HACE1: variants seen among roughly 807,000 people sequenced by gnomAD.
The protein encoded by HACE1 is HECT domain and ankyrin repeat containing E3 ubiquitin protein ligase 1, also known as E3 ubiquitin-protein ligase HACE1.
In HACE1, 73 loss-of-function variants were observed where a neutral mutation model predicts 118.4. The observed-to-expected ratio is 0.62, with a 90% CI of 0.51 to 0.75. The LOEUF is 0.75. Among genes scored for constraint, HACE1 ranks in the 30% least tolerant of loss-of-function variants. The probability of loss-of-function intolerance (pLI) is 0.00; values close to 1 mark genes in which losing one functional copy is unlikely to be tolerated. For missense variants in HACE1, 749 were observed against 1,102.2 expected, an observed-to-expected ratio of 0.68 and a Z score of 4.54; for synonymous variants, 368 against 374.8, an observed-to-expected ratio of 0.98 and a Z score of 0.21.
At chr6:104,852,222 TGTGTGTGC>T (rs1776293381) in intron 2 of HACE1, 87 bp downstream of exon 2, 33 of 716,980 alleles carry the variant, frequency 4.6e-5, no homozygotes, top group South Asian at 2.0e-4. Context: ...TGTGTGTGTG[TGTGTGTGC>T]GCGCGTGCGC....
chr6:104,813,369 G>A (rs1301610487), intron 6 of HACE1, among the ~76,000 whole-genome samples: 3 of 137,808 alleles, frequency 2.2e-5, no homozygotes, highest in East Asian at 2.2e-4. Context: ...CATGCAAGAC[G>A]CTATCTGTAA....
chr6:104,802,649 A>G lies in HACE1; in HGVS notation c.618-5624T>C, dbSNP rs191172689. ...TAACGAAATGAAGGCAGAAATAAAGATGTTCTTTGAAACCAATGAGAACAA... is the reference window on the plus strand; with the variant it reads ...TAACGAAATGAAGGCAGAAATAAAGGTGTTCTTTGAAACCAATGAGAACAA... On this transcript the variant is annotated intron_variant, in intron 7 of 23. Coordinates refer to ENST00000262903, the MANE Select transcript of HACE1 (RefSeq NM_020771.4). Among the ~76,000 whole-genome samples, 611 of 152,296 alleles carry G rather than the reference A, an allele frequency of 4.0e-3. 4 individuals are homozygous for G. Among genetic ancestry groups the G allele is most frequent in the African/African-American group, 0.014 (592 of 41,544 alleles).
At chr6:104,737,294 A>G (rs1353810002) in intron 22 of HACE1, among the ~76,000 whole-genome samples, 7 of 150,710 alleles carry the variant, frequency 4.6e-5, no homozygotes, top group African/African-American at 1.7e-4. Context: ...AAAAAAAAAA[A>G]AAAAAAAAAA....
At chr6:104,857,146 T>C (rs1776798003) in intron 1 of HACE1, among the ~76,000 whole-genome samples, 1 of 148,750 alleles carries the variant, frequency 6.7e-6, no homozygotes, top group Admixed American at 6.7e-5. Flanking sequence ...GTAGGAATGT[T>C]ATATATATAT....
Position 104,729,434 on chromosome 6 carries a change from T to G in HACE1, c.*228A>C. The G allele has an allele frequency of 1.9e-6, 1 of 539,070 alleles. No homozygotes were observed. 33.4% of individuals were successfully genotyped at this position (539,070 alleles called of 1,614,324 possible). ...AGTCTCTATTACTTTCAGTTAGCATTTTAAAAAATAAAATCTACTGTGATT... is the reference window on the plus strand; with the variant it reads ...AGTCTCTATTACTTTCAGTTAGCATGTTAAAAAATAAAATCTACTGTGATT... On this transcript the variant is annotated 3_prime_UTR_variant, in exon 24 of 24. Transcript: ENST00000262903.
chr6:104,799,335 T>C (rs1455468272), intron 7 of HACE1, among the ~76,000 whole-genome samples: 2 of 152,286 alleles, frequency 1.3e-5, no homozygotes, highest in East Asian at 3.9e-4. Flanking sequence ...CTTCACACCA[T>C]GACCAAATTA....
At chr6:104,778,016 C>T (rs1028231900) in intron 14 of HACE1, among the ~76,000 whole-genome samples, 5 of 152,190 alleles carry the variant, frequency 3.3e-5, no homozygotes, top group African/African-American at 9.6e-5. Context: ...ATCTCAGCCT[C>T]CCAAAGTGCT....
intron 17 of HACE1, among the ~76,000 whole-genome samples, chr6:104,772,638 C>A (rs1480681461): frequency 6.6e-5 from 10 of 152,292 alleles, no homozygotes; most frequent in Non-Finnish European, 1.3e-4. Context: ...ATTAGAAAAT[C>A]ACCTCAGTCC....
intron 7 of HACE1, among the ~76,000 whole-genome samples, chr6:104,803,399 G>A (rs561418330): frequency 3.0e-4 from 46 of 152,256 alleles, no homozygotes; most frequent in Non-Finnish European, 6.3e-4. Context: ...AAGCCTGGCA[G>A]AGACACAACA....
chr6:104,745,912 C>T (rs1469823287), intron 20 of HACE1, among the ~76,000 whole-genome samples: 1 of 152,146 alleles, frequency 6.6e-6, no homozygotes, highest in Non-Finnish European at 1.5e-5. Context: ...ATGAGGTTCT[C>T]CCTTTTCCAA....
intron 22 of HACE1, chr6:104,731,850 C>A (rs1775232487): frequency 1.4e-5 from 2 of 141,440 alleles, no homozygotes; most frequent in African/African-American, 2.8e-5. Flanking sequence ...ATATCCAGAA[C>A]ATACAAAGAA....
At chr6:104,831,584 C>CAA (rs111566392) in intron 6 of HACE1, among the ~76,000 whole-genome samples, 9 of 110,364 alleles carry the variant, frequency 8.2e-5, no homozygotes, top group African/African-American at 3.0e-4. Context: ...GCCTCCGTCT[C>CAA]AAAAAAAAAA....
In HACE1 at chr6:104,859,814, G is replaced by A. The variant is rs1252667194; in HGVS notation, c.-172C>T. ...GGGCCACGTCCTGCGTCCGGGGGCC[G>A]GGCTGCTGCCGGACCGACCACCTAC... On this transcript the variant is annotated 5_prime_UTR_variant, in exon 1 of 24. Transcript: ENST00000262903. The A allele has an allele frequency of 2.7e-5, 16 of 596,410 alleles. No homozygotes were observed. The highest frequency in any genetic ancestry group is 7.4e-5 in the Admixed American group (2 of 26,920). The allele number at this position is 596,410 out of a possible 1,614,324, so 36.9% of individuals were successfully genotyped here. A position where few individuals can be genotyped will look rare whatever the true frequency, so the allele number is the denominator to read the frequency against.
chr6:104,836,866 T>C (rs1252637971), intron 5 of HACE1, among the ~76,000 whole-genome samples: 1 of 152,194 alleles, frequency 6.6e-6, no homozygotes, highest in Admixed American at 6.5e-5. Context: ...CATCTGAACA[T>C]GCATAAACTC....
intron 7 of HACE1, among the ~76,000 whole-genome samples, chr6:104,803,408 C>G (rs1215648908): frequency 6.6e-6 from 1 of 151,860 alleles, no homozygotes; most frequent in Non-Finnish European, 1.5e-5. Context: ...AGAGACACAA[C>G]AAAAAAAGAG....
At chr6:104,816,635 A>G (rs1402309621) in intron 6 of HACE1, among the ~76,000 whole-genome samples, 2 of 152,230 alleles carry the variant, frequency 1.3e-5, no homozygotes, top group African/African-American at 4.8e-5. Context: ...CAGTGCAGAC[A>G]GGAAATGTGG....
intron 7 of HACE1, among the ~76,000 whole-genome samples, chr6:104,800,186 T>C (rs1019032737): frequency 1.4e-4 from 22 of 152,060 alleles, no homozygotes; most frequent in African/African-American, 5.3e-4. Context: ...TACTGGGGCT[T>C]GAGTAGGTAA....
At chr6:104,797,104 T>C in intron 7 of HACE1, 79 bp from the exon 8 acceptor site, 1 of 807,568 alleles carries the variant, frequency 1.2e-6, no homozygotes, top group Non-Finnish European at 2.2e-6. Flanking sequence ...TTAATATGAG[T>C]CAATGGAAGA....
intron 22 of HACE1, chr6:104,731,870 A>G (rs112457756): frequency 1.5e-4 from 6 of 40,430 alleles, no homozygotes; most frequent in South Asian, 5.0e-4. Flanking sequence ...ATTCCCATAG[A>G]AAAAAAAAAA....
Sources: gnomAD v4.1 joint callset for allele counts (sites outside exome capture counted in the v4.1 genomes callset) on GRCh38, gnomAD v4.1.1 for gene constraint, MANE v1.5 for transcripts, NCBI Gene and HGNC (gene_info 2026-07-23, HGNC 2026-07-21) for gene names.